The following TEX11 variants were observed in gnomAD, a reference collection of about 807,000 sequenced individuals.
TEX11 encodes the protein testis-expressed protein 11.
TEX11 carries 7 observed loss-of-function variants against 84.4 expected under a neutral mutation model. The observed-to-expected ratio is 0.08, with a 90% CI of 0.05 to 0.16. The LOEUF (loss-of-function observed/expected upper bound fraction) is 0.16, where lower values mean the gene tolerates loss of function less well. Ranked by LOEUF, TEX11 falls within the 10% of genes least tolerant of loss-of-function variation. TEX11 has a pLI of 1.00. For missense variants in TEX11, 551 were observed against 660.5 expected, an observed-to-expected ratio of 0.83 and a Z score of 1.82; for synonymous variants, 264 against 222.8, an observed-to-expected ratio of 1.18 and a Z score of -1.64.
intron 17 of TEX11, among the ~76,000 whole-genome samples, chrX:70,643,686 A>T (rs1391151669): frequency 9.5e-6 from 1 of 105,008 alleles, no homozygotes; most frequent in African/African-American, 3.5e-5. Context: ...TTCCCTATTT[A>T]ATAAATGGTG....
At chrX:70,569,906 G>A (rs752334089) in intron 25 of TEX11, among the ~76,000 whole-genome samples, 3 of 111,886 alleles carry the variant, frequency 2.7e-5, no homozygotes, top group African/African-American at 9.7e-5. Context: ...ATCTCCAGCT[G>A]TGTGCTGGGA....
intron 5 of TEX11, among the ~76,000 whole-genome samples, chrX:70,856,501 A>G (rs2091537540): frequency 1.8e-5 from 2 of 111,345 alleles, no homozygotes; most frequent in Admixed American, 1.9e-4. Flanking sequence ...AATCATCTCT[A>G]GATGATTTAA....
chrX:70,838,990 G>A (rs1041762682), intron 7 of TEX11, among the ~76,000 whole-genome samples: 8 of 112,558 alleles, frequency 7.1e-5, no homozygotes, highest in African/African-American at 9.7e-5. Context: ...CAAAGCAGCC[G>A]GGAAGCTCGA....
At chrX:70,684,029 C>T (rs1039508300) in intron 13 of TEX11, among the ~76,000 whole-genome samples, 5 of 110,979 alleles carry the variant, frequency 4.5e-5, no homozygotes, top group African/African-American at 6.6e-5. Context: ...GGATTCTTAT[C>T]TCATATCATA....
intron 9 of TEX11, among the ~76,000 whole-genome samples, chrX:70,775,324 G>A (rs1291095259): frequency 1.8e-5 from 2 of 110,943 alleles, no homozygotes; most frequent in African/African-American, 6.5e-5. Flanking sequence ...ACAAAAACAC[G>A]AATAGACAAA....
At chrX:70,600,127 G>A (rs1355628535) in intron 24 of TEX11, among the ~76,000 whole-genome samples, 1 of 111,445 alleles carries the variant, frequency 9.0e-6, no homozygotes, top group Non-Finnish European at 1.9e-5. Flanking sequence ...CTAGTTTACA[G>A]TCCAACCAAC....
chrX:70,676,015 T>C (rs1018409499), intron 15 of TEX11, among the ~76,000 whole-genome samples: 1 of 111,999 alleles, frequency 8.9e-6, no homozygotes, highest in Non-Finnish European at 1.9e-5. Context: ...TGTGACAGGC[T>C]TATGTCACTT....
At chrX:70,577,873 A>G (rs12116198) in intron 25 of TEX11, among the ~76,000 whole-genome samples, 9,020 of 109,393 alleles carry the variant, frequency 0.082, 849 homozygotes, top group African/African-American at 0.26. Flanking sequence ...GATTACAGGT[A>G]CCCACCACCA....
At chrX:70,688,874 ACT>A (rs201665063) in intron 13 of TEX11, among the ~76,000 whole-genome samples, 20,284 of 105,908 alleles carry the variant, frequency 0.19, 1,621 homozygotes, top group African/African-American at 0.21. Flanking sequence ...GTGACAAGAG[ACT>A]CTAACAAATG....
chrX:70,767,360 T>C (rs756669496), intron 9 of TEX11, among the ~76,000 whole-genome samples: 1 of 112,054 alleles, frequency 8.9e-6, no homozygotes, highest in South Asian at 3.7e-4. Flanking sequence ...ACATGAAAGA[T>C]GCTCAACGTC....
intron 2 of TEX11, among the ~76,000 whole-genome samples, chrX:70,890,343 G>A (rs897862672): frequency 9.0e-6 from 1 of 111,579 alleles, no homozygotes; most frequent in African/African-American, 3.3e-5. Flanking sequence ...GGACTGGTTG[G>A]ACAGTGTGTG....
At chrX:70,765,108 G>A (rs75487710) in intron 9 of TEX11, among the ~76,000 whole-genome samples, 9,414 of 111,196 alleles carry the variant, frequency 0.085, 581 homozygotes, top group Admixed American at 0.28. Flanking sequence ...ATATATGGCC[G>A]AGTGCGGTGG....
chrX:70,524,568 T>C (rs1049907012), downstream of TEX11, among the ~76,000 whole-genome samples: 3 of 112,367 alleles, frequency 2.7e-5, no homozygotes, highest in African/African-American at 9.7e-5. Flanking sequence ...TTTGTTGTTG[T>C]TGTTGTTTGT....
At chrX:70,593,091 A>ATG (rs2088957138) in intron 24 of TEX11, among the ~76,000 whole-genome samples, 2 of 104,268 alleles carry the variant, frequency 1.9e-5, no homozygotes, top group South Asian at 4.4e-4. Flanking sequence ...ACACACACAC[A>ATG]CACACGCACA....
intron 7 of TEX11, among the ~76,000 whole-genome samples, chrX:70,851,555 C>T (rs939293478): frequency 1.8e-5 from 2 of 110,713 alleles, no homozygotes; most frequent in African/African-American, 6.6e-5. Context: ...AATAGTTCAG[C>T]CACTATGGAA....
chrX:70,656,931 A>G (rs907571454), intron 16 of TEX11, among the ~76,000 whole-genome samples: 4 of 111,941 alleles, frequency 3.6e-5, no homozygotes, highest in Non-Finnish European at 7.5e-5. Flanking sequence ...GAGAGGCTCC[A>G]CACTAAGGAG....
At chrX:70,783,908 G>A (rs908697516) in intron 9 of TEX11, among the ~76,000 whole-genome samples, 8 of 111,715 alleles carry the variant, frequency 7.2e-5, no homozygotes, top group African/African-American at 2.6e-4. Flanking sequence ...ACAAAGAGGA[G>A]CTGGTCCATT....
At chrX:70,618,372 C>T (rs1289287965) in intron 20 of TEX11, among the ~76,000 whole-genome samples, 2 of 111,269 alleles carry the variant, frequency 1.8e-5, no homozygotes, top group Non-Finnish European at 3.8e-5. Flanking sequence ...TGTGTGCTCC[C>T]TTGAGGCGGC....
At chrX:70,781,653 A>G (rs1429141089) in intron 9 of TEX11, among the ~76,000 whole-genome samples, 3 of 112,130 alleles carry the variant, frequency 2.7e-5, no homozygotes, top group Non-Finnish European at 5.6e-5. Flanking sequence ...CCATAGCACG[A>G]AAACTTCGTG....
Sources: gnomAD v4.1 joint callset for allele counts (sites outside exome capture counted in the v4.1 genomes callset) on GRCh38, gnomAD v4.1.1 for gene constraint, MANE v1.5 for transcripts, NCBI Gene and HGNC (gene_info 2026-07-23, HGNC 2026-07-21) for gene names.